The following LEMD2 variants were observed in gnomAD, a reference collection of about 807,000 sequenced individuals.
LEMD2 encodes LEM domain-containing protein 2.
Under a neutral mutation model 58.8 loss-of-function variants are expected in LEMD2, and 34 were observed. The ratio of observed to expected loss-of-function variants is 0.58; its 90% confidence interval spans 0.44 to 0.77. The LOEUF (loss-of-function observed/expected upper bound fraction) is 0.77. LEMD2 is among the 30% of genes least tolerant of loss of function. The pLI is 0.00. For synonymous variants in LEMD2, 298 were observed against 308.9 expected, an observed-to-expected ratio of 0.96 and a Z score of 0.37; for missense variants, 629 against 717.9, an observed-to-expected ratio of 0.88 and a Z score of 1.42.
chr6:33,784,477 G>GGGGGGGGGGCCCCCCCCCC, intron 2 of LEMD2, 50 bp from the exon 3 acceptor site: 1 of 430,778 alleles, frequency 2.3e-6, no homozygotes, highest in Non-Finnish European at 4.8e-6. Context: ...GGTGGGAGGG[G>GGGGGGGGGGCCCCCCCCCC]TCCGTCTGTC....
rs1180857696 is a variant in LEMD2 at position 33,776,977 on chromosome 6, G to C, written c.1338C>G (p.Asp446Glu). The C allele has an allele frequency of 6.2e-7, 1 of 1,613,702 alleles. No homozygotes were observed. The highest frequency in any genetic ancestry group is 8.5e-7 in the Non-Finnish European group (1 of 1,179,992). ...ACCGGCTCTGTGGAGGGATCAAGCT[G>C]TCGCGCACGTGCAGGATGCCTACAT... ...YPYVGILHVR[D>E]SLIPPQSRRR... The change falls in exon 8 of 9, where the codon GAC (aspartate) becomes GAG (glutamate). Residue 446 changes from aspartate (D) to glutamate (E), a missense_variant. Asp to Glu is a conservative substitution (Grantham distance 45). Around this residue, in one of 2 missense-constraint regions of LEMD2, gnomAD observed 243 missense variants for 336.8 expected, o/e 0.72. Transcript: ENST00000293760.
chr6:33,784,454 G>T (rs1485422870), intron 2 of LEMD2, 27 bp from the exon 3 acceptor site: 2 of 933,132 alleles, frequency 2.1e-6, no homozygotes, highest in Non-Finnish European at 3.2e-6. Flanking sequence ...CAAGTGGTCA[G>T]CAAGGAGGGG....
chr6:33,772,519 A>T lies in LEMD2; in HGVS notation c.*109T>A. 1 of 1,049,828 alleles carries T rather than the reference A, an allele frequency of 9.5e-7. No homozygotes were observed. The highest frequency in any genetic ancestry group is 1.4e-6 in the Non-Finnish European group (1 of 714,730). 65.0% of individuals were successfully genotyped at this position (1,049,828 alleles called of 1,614,324 possible). A position where few individuals can be genotyped will look rare whatever the true frequency, so the allele number is the denominator to read the frequency against. On this transcript the variant is annotated 3_prime_UTR_variant, in exon 9 of 9. Coordinates refer to ENST00000293760, the MANE Select transcript of LEMD2 (RefSeq NM_181336.4). ...TTGGAATCGTGTCAGGACGAGACTG[A>T]AAGTCAAGGCAAGTGTGAATTCAGC...
Position 33,777,244 on chromosome 6 carries a change from G to C in LEMD2, c.1157-5C>G. On this transcript the variant is annotated splice_polypyrimidine_tract_variant and splice_region_variant and intron_variant, in intron 6 of 8. Coordinates refer to ENST00000293760, the MANE Select transcript of LEMD2 (RefSeq NM_181336.4). ...GCCCCCACAAAAAAGCCAAGCCTGT[G>C]AGGGAACAAAACACTGTTAATCCCT... The C allele has an allele frequency of 6.3e-7, 1 of 1,598,708 alleles. No individual in the cohort carries two copies.
intron 3 of LEMD2, among the ~76,000 whole-genome samples, chr6:33,783,524 T>G (rs1474267032): frequency 6.6e-6 from 1 of 152,224 alleles, no homozygotes; most frequent in Non-Finnish European, 1.5e-5. Context: ...CTCTGTCTGG[T>G]TCTTGTGTCC....
At position 33,783,464 on chromosome 6, in the gene LEMD2, T is replaced by C. The variant is rs112899262; in HGVS notation, c.853+888A>G. Among the ~76,000 whole-genome samples, 719 of 152,336 alleles carry C rather than the reference T, an allele frequency of 4.7e-3. 5 individuals are homozygous for C. The highest frequency in any genetic ancestry group is 0.013 in the African/African-American group (549 of 41,586). On this transcript the variant is annotated intron_variant, in intron 3 of 8. Coordinates refer to ENST00000293760, the MANE Select transcript of LEMD2 (RefSeq NM_181336.4). ...CCTCACAATCCTAAGACCTGTCCTC[T>C]GACCCCACAGGTAAGAGGCGCCTCT... is the stretch of plus-strand genomic sequence containing the variant.
chr6:33,789,070 AG>A lies in LEMD2; in HGVS notation c.46del (p.Leu16TrpfsTer100). 1.9e-6 allele frequency: 3 copies of A among 1,544,264 alleles called. No homozygotes were observed. The highest frequency in any genetic ancestry group is 1.7e-6 in the Non-Finnish European group (2 of 1,154,732). ...GGTGATGGGTCCTGGCTGGAAGCCC[AG>A]GGCCTGCAGCTCCCGCCGCAGTTCC... ...DLELRRELQA[L>X]GFQPGPITDT... On this transcript the variant is annotated frameshift_variant, in exon 1 of 9. Transcript: ENST00000293760. LOFTEE classifies it high-confidence loss of function.
At chr6:33,772,872 G>T in intron 8 of LEMD2, 94 bp from the exon 9 acceptor site, 1 of 1,182,456 alleles carries the variant, frequency 8.5e-7, no homozygotes, top group Non-Finnish European at 1.2e-6. Context: ...TCCAGGCTCT[G>T]GCATGGAATT....
chr6:33,776,744 G>A, intron 8 of LEMD2: 3 of 596,490 alleles, frequency 5.0e-6, no homozygotes, highest in Non-Finnish European at 9.1e-6. Flanking sequence ...GTGTGGGATT[G>A]TGCTTTCATA....
intron 2 of LEMD2, 82 bp from the exon 3 acceptor site, chr6:33,784,509 A>C: frequency 1.3e-6 from 1 of 791,074 alleles, no homozygotes; most frequent in East Asian, 2.7e-5. Context: ...CTCCAGCCAC[A>C]CTGTCAAATA....
intron 2 of LEMD2, 45 bp from the exon 3 acceptor site, chr6:33,784,472 G>GGGGGGGA: frequency 2.4e-6 from 1 of 418,088 alleles, no homozygotes; most frequent in Non-Finnish European, 4.9e-6. Flanking sequence ...GGGTGGGTGG[G>GGGGGGGA]AGGGGTCCGT....
chr6:33,777,013 C>T lies in LEMD2; in HGVS notation c.1302G>A (p.Glu434=), dbSNP rs1381997295. Residue 434 remains glutamate (E), a synonymous_variant, in exon 8 of 9, where the codon GAG becomes GAA. Coordinates refer to ENST00000293760, the MANE Select transcript of LEMD2 (RefSeq NM_181336.4). ...DHYVDWEQDM[E]RYPYVGILHV... ...GCAGGATGCCTACATATGGATAGCGCTCCATGTCCTGCTCCCAGTCCACGT... is the reference window on the plus strand; with the variant it reads ...GCAGGATGCCTACATATGGATAGCGTTCCATGTCCTGCTCCCAGTCCACGT... 1.2e-6 allele frequency: 2 copies of T among 1,614,086 alleles called. No homozygotes were observed. Among genetic ancestry groups the T allele is most frequent in the Admixed American group, 3.3e-5 (2 of 60,014 alleles).
intron 1 of LEMD2, 50 bp downstream of exon 1, chr6:33,788,331 G>C: frequency 6.7e-7 from 1 of 1,495,922 alleles, no homozygotes; most frequent in Non-Finnish European, 8.9e-7. Context: ...GGGTCCTCCG[G>C]CGGACACACG....
chr6:33,772,885 T>A (rs1029237046), intron 8 of LEMD2, 107 bp from the exon 9 acceptor site: 1 of 1,055,046 alleles, frequency 9.5e-7, no homozygotes, highest in African/African-American at 1.6e-5. Flanking sequence ...ATGGAATTTA[T>A]GTAAGAGAGG....
chr6:33,774,175 T>C (rs1767375523), intron 8 of LEMD2, among the ~76,000 whole-genome samples: 1 of 148,996 alleles, frequency 6.7e-6, no homozygotes, highest in African/African-American at 2.5e-5. Flanking sequence ...TGACTTTTTT[T>C]TTTTTTTTTT....
intron 8 of LEMD2, among the ~76,000 whole-genome samples, chr6:33,773,419 A>T (rs1348806949): frequency 6.6e-6 from 1 of 151,730 alleles, no homozygotes; most frequent in Non-Finnish European, 1.5e-5. Context: ...GCCATGGGGG[A>T]GGGTCACTTT....
Position 33,772,644 on chromosome 6 carries a change from G to C in LEMD2, c.1496C>G (p.Ser499Cys), listed in dbSNP as rs143643210. The C allele has an allele frequency of 4.6e-5, 74 of 1,613,800 alleles. 1 individual carries two copies. Among genetic ancestry groups the C allele is most frequent in the Non-Finnish European group, 5.8e-5 (68 of 1,179,968 alleles). The change falls in exon 9 of 9, where the codon TCT becomes TGT. Residue 499 changes from serine (S) to cysteine (C), a missense_variant. Coordinates refer to ENST00000293760, the MANE Select transcript of LEMD2 (RefSeq NM_181336.4). Reference sequence around the variant, plus strand: ...GCCCGGGGCTTATCGCTCTGAGTCAGAGAAGGAAGAGGGCTTAGTCCATCT... The same window carrying C: ...GCCCGGGGCTTATCGCTCTGAGTCACAGAAGGAAGAGGGCTTAGTCCATCT... ...VWRWTKPSSF[S>C]DSER is the part of the protein sequence containing the mutation.
At chr6:33,784,508 C>T in intron 2 of LEMD2, 81 bp from the exon 3 acceptor site, 1 of 817,208 alleles carries the variant, frequency 1.2e-6, no homozygotes, top group Non-Finnish European at 2.0e-6. Flanking sequence ...TCTCCAGCCA[C>T]ACTGTCAAAT....
At chr6:33,781,308 G>C (rs1029818788) in intron 3 of LEMD2, 155 bp from the exon 4 acceptor site, 2 of 608,638 alleles carry the variant, frequency 3.3e-6, no homozygotes, top group African/African-American at 3.7e-5. Flanking sequence ...TCTGCAGCAA[G>C]ATCAAAAGCC....
Sources: gnomAD v4.1 joint callset for allele counts (sites outside exome capture counted in the v4.1 genomes callset) on GRCh38, gnomAD v4.1.1 for gene constraint, gnomAD v4.1.1 regional missense constraint, MANE v1.5 for transcripts, NCBI Gene and HGNC (gene_info 2026-07-23, HGNC 2026-07-21) for gene names.